Variants in AFF4 observed in about 807,000 individuals in gnomAD.
The protein encoded by AFF4 is AF4/FMR2 family member 4.
Under a neutral mutation model 124.8 loss-of-function variants are expected in AFF4, and 13 were observed. The ratio of observed to expected loss-of-function variants is 0.10; its 90% CI spans 0.07 to 0.17. The LOEUF (loss-of-function observed/expected upper bound fraction) is 0.17. Among genes scored for constraint, AFF4 ranks in the 10% least tolerant of loss-of-function variants. The pLI is 1.00. For synonymous variants in AFF4, 477 were observed against 496.1 expected, an observed-to-expected ratio of 0.96 and a Z score of 0.51; for missense variants, 1,092 against 1,403.8, an observed-to-expected ratio of 0.78 and a Z score of 3.55.
At chr5:132,946,687 A>G (rs999088946) in intron 1 of AFF4, among the ~76,000 whole-genome samples, 2 of 152,198 alleles carry the variant, frequency 1.3e-5, no homozygotes, top group Non-Finnish European at 2.9e-5. Flanking sequence ...GGGATGATGA[A>G]AAAGTTCTGG....
At chr5:132,900,932 TA>T in intron 7 of AFF4, 1 of 984,854 alleles carries the variant, frequency 1.0e-6, no homozygotes, top group African/African-American at 1.7e-5. Context: ...TTCACTCTAT[TA>T]ACTACTTGTA....
In AFF4 at chr5:132,879,842, A is replaced by G; in HGVS notation, c.*1217T>C. On this transcript the variant is annotated 3_prime_UTR_variant, in exon 21 of 21. Coordinates refer to ENST00000265343, the MANE Select transcript of AFF4 (RefSeq NM_014423.4). ...GTTAGGTACACTTTTCTAGTGTGAAATTTTCTGATTCCATCAGAAACATAC... is the reference window on the plus strand; with the variant it reads ...GTTAGGTACACTTTTCTAGTGTGAAGTTTTCTGATTCCATCAGAAACATAC... The G allele has an allele frequency of 4.2e-6, 1 of 236,658 alleles. No homozygotes were observed. The highest frequency in any genetic ancestry group is 6.2e-5 in the East Asian group (1 of 16,222). 14.7% of individuals were successfully genotyped at this position (236,658 alleles called of 1,614,324 possible). A position where few individuals can be genotyped will look rare whatever the true frequency, so the allele number is the denominator to read the frequency against.
At chr5:132,902,839 C>T (rs547227031) in intron 6 of AFF4, among the ~76,000 whole-genome samples, 2 of 152,220 alleles carry the variant, frequency 1.3e-5, no homozygotes, top group Admixed American at 1.3e-4. Context: ...CAAGCACACA[C>T]TTGGGAATGT....
intron 5 of AFF4, among the ~76,000 whole-genome samples, chr5:132,925,151 G>A (rs1761139528): frequency 6.6e-6 from 1 of 151,498 alleles, no homozygotes; most frequent in South Asian, 2.1e-4. Context: ...CTCCAGCCTG[G>A]GTGACAAAGG....
At chr5:132,913,281 G>A (rs1760835826) in intron 5 of AFF4, among the ~76,000 whole-genome samples, 1 of 152,116 alleles carries the variant, frequency 6.6e-6, no homozygotes. Flanking sequence ...GTTTGAGAAA[G>A]CATGAAGAAA....
chr5:132,924,497 T>A (rs1468941610), intron 5 of AFF4, among the ~76,000 whole-genome samples: 1 of 151,754 alleles, frequency 6.6e-6, no homozygotes, highest in African/African-American at 2.4e-5. Flanking sequence ...AATTTGGGGG[T>A]GATGGAAATG....
At chr5:132,961,162 T>C (rs1454646277) in intron 1 of AFF4, among the ~76,000 whole-genome samples, 2 of 149,230 alleles carry the variant, frequency 1.3e-5, no homozygotes, top group Admixed American at 6.7e-5. Context: ...GAGGCAGAGG[T>C]TGCAGTGAGC....
intron 18 of AFF4, among the ~76,000 whole-genome samples, chr5:132,885,806 T>C (rs1760104307): frequency 6.6e-6 from 1 of 152,146 alleles, no homozygotes; most frequent in Non-Finnish European, 1.5e-5. Flanking sequence ...AGAGTCTCTC[T>C]CTCTGTCACC....
chr5:132,900,976 A>C (rs768664606), intron 7 of AFF4: 44 of 985,284 alleles, frequency 4.5e-5, no homozygotes, highest in Non-Finnish European at 5.1e-5. Context: ...CAACATTTCT[A>C]TATCTGACCC....
rs1581318560 is a variant in AFF4, at chr5:132,934,642, A to G, written c.423T>C (p.Ser141=). The change falls in exon 3 of 21, where the codon AGT becomes AGC. Residue 141 remains serine, a synonymous_variant. Coordinates refer to ENST00000265343, the MANE Select transcript of AFF4 (RefSeq NM_014423.4). ...HSSQRTSAGS[S]SGTNSSGQRH... is the part of the protein sequence containing the mutation. ...TCTGACCACTACTGTTAGTGCCACTACTGCTACCTGCGCTGGTCCGCTGGC... is the reference window on the plus strand; with the variant it reads ...TCTGACCACTACTGTTAGTGCCACTGCTGCTACCTGCGCTGGTCCGCTGGC... 1.2e-6 allele frequency: 2 copies of G among 1,614,100 alleles called. No individual in the cohort carries two copies. Among genetic ancestry groups the G allele is most frequent in the Non-Finnish European group, 1.7e-6 (2 of 1,180,022 alleles).
rs1759873138 is a variant in AFF4 at position 132,877,668 on chromosome 5, T to TGG, written c.*3390_*3391insCC. On this transcript the variant is annotated 3_prime_UTR_variant, in exon 21 of 21. Coordinates refer to ENST00000265343, the MANE Select transcript of AFF4 (RefSeq NM_014423.4). ...GAACAATCACTGGCTGCTCTGAAAC[T>TGG]CCAGAGTACTGGCCTCTAGAGCCAG... 4.7e-6 allele frequency: 1 copy of TGG among 211,332 alleles called. No individual in the cohort carries two copies. The highest frequency in any genetic ancestry group is 9.6e-6 in the Non-Finnish European group (1 of 103,888). 13.1% of individuals were successfully genotyped at this position (211,332 alleles called of 1,614,324 possible).
chr5:132,934,747 G>T lies in AFF4; in HGVS notation c.318C>A (p.Ser106Arg), dbSNP rs1761386475. 4 of 1,614,108 alleles carry T rather than the reference G, an allele frequency of 2.5e-6. No homozygotes were observed. Among genetic ancestry groups the T allele is most frequent in the Non-Finnish European group, 3.4e-6 (4 of 1,180,024 alleles). ...EQRHGGSHQS[S>R]KWTPVGPAPS... ...GTGCGGGTCCTACTGGAGTCCATTT[G>T]CTACTCTGATGAGAGCCTCCATGTC... is the stretch of plus-strand genomic sequence containing the variant. Residue 106 changes from serine to arginine, a missense_variant, in exon 3 of 21, where the codon AGC (serine) becomes AGA (arginine). By Grantham distance (110) the Ser-to-Arg change is moderately radical (BLOSUM62 -1). This residue lies in a region of AFF4 where 188 missense variants were observed against 203.0 expected (regional missense o/e 0.93). Transcript: ENST00000265343.
chr5:132,941,951 G>A (rs1158550149), intron 1 of AFF4, among the ~76,000 whole-genome samples: 1 of 150,708 alleles, frequency 6.6e-6, no homozygotes, highest in Non-Finnish European at 1.5e-5. Context: ...AGGTTGCAGT[G>A]AGACGAGATC....
chr5:132,922,156 G>A (rs1218933543), intron 5 of AFF4, among the ~76,000 whole-genome samples: 1 of 152,138 alleles, frequency 6.6e-6, no homozygotes, highest in South Asian at 2.1e-4. Context: ...AGTGGCTCAC[G>A]CCTGTAATCT....
At position 132,889,132 on chromosome 5, in the gene AFF4, TGCA is replaced by T. The variant is rs752232004; in HGVS notation, c.2676_2678del (p.Ala893del). The T allele has an allele frequency of 1.2e-6, 2 of 1,614,100 alleles. No individual in the cohort carries two copies. The highest frequency in any genetic ancestry group is 1.7e-6 in the Non-Finnish European group (2 of 1,179,966). ...GAGGCTTAGAAGAATCAAGAGTTGG[TGCA>T]GATGGAGGACAGTTAGAGGAGCTAC... On this transcript the variant is annotated inframe_deletion, in exon 14 of 21. Coordinates refer to ENST00000265343, the MANE Select transcript of AFF4 (RefSeq NM_014423.4).
intron 5 of AFF4, among the ~76,000 whole-genome samples, chr5:132,908,982 G>A (rs1162870493): frequency 1.3e-5 from 2 of 150,702 alleles, no homozygotes; most frequent in Non-Finnish European, 2.9e-5. Context: ...TGTTGGCCAC[G>A]CTGGTCTCGA....
In AFF4 at chr5:132,892,183, C is replaced by A. The variant is rs1000860073; in HGVS notation, c.2618G>T (p.Ser873Ile). Reference protein sequence around the residue: ...KQKKTEGKTSSSSKEVKEKAP... With the variant: ...KQKKTEGKTSISSKEVKEKAP... The stretch of plus-strand genomic sequence containing the variant: ...CTTTACCTTAACCTCCTTGGAGCTA[C>A]TGGAAGTCTTCCCTTCGGTCTTCTT... Residue 873 changes from serine to isoleucine, a missense_variant, in exon 13 of 21, where the codon AGT (serine) becomes ATT (isoleucine). Around this residue, in one of 11 missense-constraint regions of AFF4, gnomAD observed 293 missense variants for 280.2 expected, o/e 1.05. Transcript: ENST00000265343. 3 of 1,614,040 alleles carry A rather than the reference C, an allele frequency of 1.9e-6. No individual in the cohort carries two copies. The highest frequency in any genetic ancestry group is 2.5e-6 in the Non-Finnish European group (3 of 1,180,038).
At chr5:132,936,274 A>AAC (rs1561503773) in intron 2 of AFF4, among the ~76,000 whole-genome samples, 1 of 149,488 alleles carries the variant, frequency 6.7e-6, no homozygotes, top group East Asian at 1.9e-4. Context: ...CTCAAAAAAA[A>AAC]AAAAAAAAAA....
chr5:132,893,181 G>C (rs2150070275), intron 11 of AFF4, 63 bp from the exon 12 acceptor site: 1 of 1,325,196 alleles, frequency 7.5e-7, no homozygotes, highest in South Asian at 1.2e-5. Context: ...TCCAGCACTA[G>C]CTACCCACAA....
Sources: gnomAD v4.1 joint callset for allele counts (sites outside exome capture counted in the v4.1 genomes callset) on GRCh38, gnomAD v4.1.1 for gene constraint, gnomAD v4.1.1 regional missense constraint, MANE v1.5 for transcripts, NCBI Gene and HGNC (gene_info 2026-07-23, HGNC 2026-07-21) for gene names.